The following RBMS3 variants were observed in gnomAD, a reference collection of about 807,000 sequenced individuals.
The protein encoded by RBMS3 is RNA binding motif single stranded interacting protein 3.
Under a neutral mutation model 66.8 loss-of-function variants are expected in RBMS3, and 27 were observed. The ratio of observed to expected loss-of-function variants is 0.40; its 90% confidence interval spans 0.30 to 0.56. The LOEUF (loss-of-function observed/expected upper bound fraction) is 0.56, where lower values mean the gene tolerates loss of function less well. RBMS3 is among the 20% of genes least tolerant of loss of function. The pLI is 0.40. For synonymous variants in RBMS3, 188 were observed against 183.0 expected (o/e 1.03, Z -0.22); for missense variants, 513 against 549.5 (o/e 0.93, Z 0.66).
intron 2 of RBMS3, among the ~76,000 whole-genome samples, chr3:29,487,229 T>C (rs777923356): frequency 1.3e-5 from 2 of 151,920 alleles, no homozygotes; most frequent in Non-Finnish European, 2.9e-5. Context: ...AAAGAGTGTT[T>C]TGGGGGAGAT....
chr3:29,308,859 T>A (rs2034195117), intron 1 of RBMS3, among the ~76,000 whole-genome samples: 1 of 149,764 alleles, frequency 6.7e-6, no homozygotes, highest in Non-Finnish European at 1.5e-5. Flanking sequence ...TTGAATGCCA[T>A]GGTAAGGATG....
chr3:29,566,691 A>C (rs766342748), intron 3 of RBMS3, among the ~76,000 whole-genome samples: 3 of 151,948 alleles, frequency 2.0e-5, no homozygotes, highest in African/African-American at 7.3e-5. Flanking sequence ...GATTCAATTA[A>C]TGGAAGATTC....
chr3:29,467,756 A>T (rs116455157), intron 2 of RBMS3, among the ~76,000 whole-genome samples: 4 of 152,202 alleles, frequency 2.6e-5, no homozygotes, highest in African/African-American at 9.7e-5. Flanking sequence ...TAGAAATAGG[A>T]TATGTGCTAT....
intron 3 of RBMS3, among the ~76,000 whole-genome samples, chr3:29,576,818 G>T (rs2047138906): frequency 6.6e-6 from 1 of 152,154 alleles, no homozygotes; most frequent in South Asian, 2.1e-4. Context: ...TTAAAGCCCA[G>T]TGACTCTTCA....
At chr3:29,383,562 T>C (rs1247348633) in intron 1 of RBMS3, among the ~76,000 whole-genome samples, 2 of 152,214 alleles carry the variant, frequency 1.3e-5, no homozygotes, top group Non-Finnish European at 2.9e-5. Context: ...CTCAAACTGT[T>C]GTATGTGGAT....
chr3:29,613,120 A>T (rs1456648252), intron 4 of RBMS3, among the ~76,000 whole-genome samples: 1 of 152,018 alleles, frequency 6.6e-6, no homozygotes, highest in Admixed American at 6.6e-5. Context: ...ATACTTAATA[A>T]TTTTTTTAAT....
chr3:29,480,916 A>G (rs2043108174), intron 2 of RBMS3, among the ~76,000 whole-genome samples: 1 of 152,064 alleles, frequency 6.6e-6, no homozygotes, highest in Admixed American at 6.5e-5. Context: ...GGAGAAAAGG[A>G]GAAGCAGGTC....
chr3:29,675,074 A>G (rs992122002), intron 4 of RBMS3, among the ~76,000 whole-genome samples: 1 of 152,222 alleles, frequency 6.6e-6, no homozygotes, highest in Admixed American at 6.5e-5. Context: ...GTACCAAAAC[A>G]GAGATATAGA....
Position 29,805,898 on chromosome 3 carries a change from C to T in RBMS3, c.637+42909C>T, listed in dbSNP as rs9867972. ...TATACAGTAATGTTCTAAGCCTTCACATTCACTCACCACGCACTCACTGAC... is the reference window on the plus strand; with the variant it reads ...TATACAGTAATGTTCTAAGCCTTCATATTCACTCACCACGCACTCACTGAC... On this transcript the variant is annotated intron_variant, in intron 6 of 14. Coordinates refer to ENST00000383767, the MANE Select transcript of RBMS3 (RefSeq NM_001003793.3). 3.8e-3 allele frequency among the ~76,000 whole-genome samples: 575 copies of T among 152,118 alleles called. 2 individuals are homozygous for T. The highest frequency in any genetic ancestry group is 0.013 in the African/African-American group (539 of 41,540).
chr3:29,953,520 T>C (rs555772433), intron 12 of RBMS3, among the ~76,000 whole-genome samples: 2 of 152,056 alleles, frequency 1.3e-5, no homozygotes, highest in African/African-American at 4.8e-5. Context: ...AATTATAATA[T>C]TGCCTAACAA....
chr3:29,922,105 ATTACT>A (rs1024924126), intron 10 of RBMS3, among the ~76,000 whole-genome samples: 5 of 152,332 alleles, frequency 3.3e-5, no homozygotes, highest in African/African-American at 9.6e-5. Flanking sequence ...AATCTCCTTG[ATTACT>A]TTATATTGCA....
chr3:29,716,524 G>A (rs2053402117), intron 4 of RBMS3, among the ~76,000 whole-genome samples: 1 of 152,090 alleles, frequency 6.6e-6, no homozygotes, highest in Admixed American at 6.5e-5. Flanking sequence ...AATTTGATGT[G>A]TTTTCCTTCA....
intron 10 of RBMS3, among the ~76,000 whole-genome samples, chr3:29,931,821 C>T (rs769106601): frequency 6.6e-6 from 1 of 152,018 alleles, no homozygotes; most frequent in African/African-American, 2.4e-5. Context: ...GGTATTTGTT[C>T]TAGGAATATT....
At chr3:29,705,235 G>A (rs1244690295) in intron 4 of RBMS3, among the ~76,000 whole-genome samples, 1 of 152,162 alleles carries the variant, frequency 6.6e-6, no homozygotes, top group African/African-American at 2.4e-5. Flanking sequence ...TTTAAATCCA[G>A]TATCACATAA....
intron 10 of RBMS3, among the ~76,000 whole-genome samples, chr3:29,928,628 C>A (rs1472399471): frequency 6.6e-6 from 1 of 152,130 alleles, no homozygotes; most frequent in African/African-American, 2.4e-5. Context: ...ATCTACACCA[C>A]AACACATGTA....
At chr3:29,708,042 C>A (rs1450798209) in intron 4 of RBMS3, among the ~76,000 whole-genome samples, 3 of 152,138 alleles carry the variant, frequency 2.0e-5, no homozygotes, top group Admixed American at 2.0e-4. Context: ...GCTGATTGCA[C>A]CTTCCGTTTA....
chr3:29,995,051 G>C (rs965252490), intron 14 of RBMS3, among the ~76,000 whole-genome samples: 1 of 152,176 alleles, frequency 6.6e-6, no homozygotes, highest in African/African-American at 2.4e-5. Context: ...TGTATAACTA[G>C]AATAACCAAT....
intron 12 of RBMS3, among the ~76,000 whole-genome samples, chr3:29,947,922 T>A (rs531567816): frequency 6.6e-6 from 1 of 151,350 alleles, no homozygotes; most frequent in South Asian, 2.1e-4. Context: ...CTGTCCTCTT[T>A]TTCTAAAAAG....
In RBMS3 at chr3:30,007,624, G is replaced by A. The variant is rs528375179; in HGVS notation, c.*3762G>A. On this transcript the variant is annotated 3_prime_UTR_variant, in exon 15 of 15. Coordinates refer to ENST00000383767, the MANE Select transcript of RBMS3 (RefSeq NM_001003793.3). Reference sequence around the variant, plus strand: ...CATGGCCATGTCTTCTAAAGACAACGTAATGAGCCCAAGTGAACTGAAGGT... The same window carrying A: ...CATGGCCATGTCTTCTAAAGACAACATAATGAGCCCAAGTGAACTGAAGGT... 2 of 152,040 alleles carry A rather than the reference G, an allele frequency of 1.3e-5. No homozygotes were observed. The highest frequency in any genetic ancestry group is 1.5e-5 in the Non-Finnish European group (1 of 67,966). 9.4% of individuals were successfully genotyped at this position (152,040 alleles called of 1,614,324 possible).
Sources: gnomAD v4.1 joint callset for allele counts (sites outside exome capture counted in the v4.1 genomes callset) on GRCh38, gnomAD v4.1.1 for gene constraint, MANE v1.5 for transcripts, NCBI Gene and HGNC (gene_info 2026-07-23, HGNC 2026-07-21) for gene names.